Variants in FRAS1 observed in about 807,000 individuals in gnomAD.
FRAS1 encodes Fraser extracellular matrix complex subunit 1, also known as extracellular matrix organizing protein FRAS1.
Under a neutral mutation model 435.2 loss-of-function variants are expected in FRAS1, and 290 were observed. That is an observed-to-expected ratio of 0.67 (90% CI 0.61 to 0.73). The LOEUF (loss-of-function observed/expected upper bound fraction) is 0.73, where lower values mean the gene tolerates loss of function less well. Among genes scored for constraint, FRAS1 ranks in the 30% least tolerant of loss-of-function variants. FRAS1 has a pLI of 0.00. For synonymous variants in FRAS1, 1,800 were observed against 1,851.0 expected, an observed-to-expected ratio of 0.97 and a Z score of 0.71; for missense variants, 4,860 against 5,001.5, an observed-to-expected ratio of 0.97 and a Z score of 0.85.
intron 35 of FRAS1, among the ~76,000 whole-genome samples, chr4:78,424,716 A>T (rs2110378207): frequency 6.6e-6 from 1 of 151,978 alleles, no homozygotes; most frequent in South Asian, 2.1e-4. Context: ...CTGATGGGGG[A>T]GCATCACTTA....
chr4:78,059,524 G>A (rs1739650125), intron 1 of FRAS1, among the ~76,000 whole-genome samples: 1 of 147,290 alleles, frequency 6.8e-6, no homozygotes, highest in Admixed American at 6.8e-5. Context: ...AAAAAAAAAA[G>A]CTTGTAGGGC....
intron 61 of FRAS1, 66 bp downstream of exon 61, chr4:78,499,987 A>G: frequency 7.8e-7 from 1 of 1,284,002 alleles, no homozygotes; most frequent in Non-Finnish European, 1.1e-6. Flanking sequence ...TTGTATTTGA[A>G]GAAAGGAATA....
At chr4:78,412,226 A>G (rs1409098463) in intron 31 of FRAS1, among the ~76,000 whole-genome samples, 1 of 150,136 alleles carries the variant, frequency 6.7e-6, no homozygotes, top group East Asian at 1.9e-4. Flanking sequence ...TCTTTTTCTC[A>G]GAATTGATAG....
chr4:78,240,708 C>T (rs1265968518), intron 3 of FRAS1, among the ~76,000 whole-genome samples: 7 of 152,050 alleles, frequency 4.6e-5, no homozygotes, highest in Non-Finnish European at 2.9e-5. Flanking sequence ...GTATTGCAAA[C>T]ATGTAGAATT....
Position 78,276,202 on chromosome 4 carries a change from G to T in FRAS1, c.982-2453G>T, listed in dbSNP as rs538355645. 6.6e-5 allele frequency among the ~76,000 whole-genome samples: 10 copies of T among 152,138 alleles called. 1 individual carries two copies. In the East Asian group the frequency reaches 1.9e-3, roughly 29 times the overall value. ...AGGACTTCTCTACACTGGTTGTTCT[G>T]GTTAGCCATTTGTCTAATCTTTTTT... On this transcript the variant is annotated intron_variant, in intron 9 of 73. Coordinates refer to ENST00000512123, the MANE Select transcript of FRAS1 (RefSeq NM_025074.7).
At chr4:78,537,840 G>A (rs972959436) in intron 72 of FRAS1, among the ~76,000 whole-genome samples, 2 of 151,970 alleles carry the variant, frequency 1.3e-5, no homozygotes, top group Admixed American at 6.6e-5. Flanking sequence ...CAGCTACTTG[G>A]GAGGCTGAGG....
intron 17 of FRAS1, among the ~76,000 whole-genome samples, chr4:78,318,278 A>G (rs1407866781): frequency 6.6e-6 from 1 of 152,242 alleles, no homozygotes; most frequent in Non-Finnish European, 1.5e-5. Flanking sequence ...GCTTTTCACC[A>G]GTAGCCAGGG....
chr4:78,497,919 C>A (rs1391385709), intron 60 of FRAS1, among the ~76,000 whole-genome samples: 1 of 152,112 alleles, frequency 6.6e-6, no homozygotes, highest in African/African-American at 2.4e-5. Flanking sequence ...GAACCTCTCC[C>A]AGGTACATAG....
intron 60 of FRAS1, among the ~76,000 whole-genome samples, 179 bp from the exon 61 acceptor site, chr4:78,499,542 T>C (rs1484046592): frequency 1.3e-5 from 2 of 152,236 alleles, no homozygotes; most frequent in Non-Finnish European, 2.9e-5. Context: ...AAATAATTTT[T>C]TCCAAAGCAT....
At chr4:78,269,298 G>T (rs1009799736) in intron 9 of FRAS1, among the ~76,000 whole-genome samples, 12 of 152,174 alleles carry the variant, frequency 7.9e-5, no homozygotes, top group African/African-American at 2.9e-4. Context: ...ATGGAAATAT[G>T]AGTTAAATAT....
At chr4:78,381,867 A>G (rs1202989679) in intron 27 of FRAS1, among the ~76,000 whole-genome samples, 1 of 140,670 alleles carries the variant, frequency 7.1e-6, no homozygotes, top group Non-Finnish European at 1.5e-5. Context: ...TCTTTATCCA[A>G]CAAAAGAAAG....
intron 2 of FRAS1, chr4:78,071,159 T>C (rs1422017518): frequency 6.6e-6 from 1 of 152,208 alleles, no homozygotes; most frequent in Non-Finnish European, 1.5e-5. Flanking sequence ...AAATGTGGAA[T>C]GTTGACTATA....
chr4:78,217,775 C>A (rs1723832418), intron 2 of FRAS1, among the ~76,000 whole-genome samples: 1 of 149,988 alleles, frequency 6.7e-6, no homozygotes, highest in Admixed American at 6.6e-5. Flanking sequence ...ACTCATGAAC[C>A]TACAAGATAT....
chr4:78,249,836 T>C (rs1578206508), intron 4 of FRAS1, among the ~76,000 whole-genome samples: 1 of 152,160 alleles, frequency 6.6e-6, no homozygotes, highest in South Asian at 2.1e-4. Flanking sequence ...CTGGTCTCTG[T>C]CTGAAAGGTA....
intron 50 of FRAS1, 55 bp downstream of exon 50, chr4:78,466,490 A>T: frequency 7.6e-7 from 1 of 1,309,150 alleles, no homozygotes; most frequent in Middle Eastern, 1.9e-4. Flanking sequence ...CAGAGGCAGA[A>T]CATGGAGTTT....
chr4:78,160,998 C>T (rs2110023950), intron 2 of FRAS1, among the ~76,000 whole-genome samples: 1 of 152,090 alleles, frequency 6.6e-6, no homozygotes, highest in African/African-American at 2.4e-5. Context: ...ATTAGCCAGA[C>T]ATGGTGGCAG....
chr4:78,393,608 G>C (rs1252712379), intron 29 of FRAS1, among the ~76,000 whole-genome samples: 4 of 151,960 alleles, frequency 2.6e-5, no homozygotes, highest in Non-Finnish European at 5.9e-5. Context: ...CAAATAGCAG[G>C]ATTTCCTTCA....
chr4:78,058,514 C>T (rs1560501589), intron 1 of FRAS1, among the ~76,000 whole-genome samples: 1 of 152,118 alleles, frequency 6.6e-6, no homozygotes, highest in Non-Finnish European at 1.5e-5. Context: ...CTTAAAGCCC[C>T]ATCGCTCTCC....
At chr4:78,373,446 C>A (rs1731593133) in intron 24 of FRAS1, among the ~76,000 whole-genome samples, 1 of 138,912 alleles carries the variant, frequency 7.2e-6, no homozygotes, top group Non-Finnish European at 1.5e-5. Flanking sequence ...GAGCCAAGGA[C>A]TAATAATAAT....
Sources: allele counts gnomAD v4.1 joint callset (sites outside exome capture counted in the v4.1 genomes callset), GRCh38; gene constraint gnomAD v4.1.1; transcripts MANE v1.5; gene names NCBI Gene and HGNC (gene_info 2026-07-23, HGNC 2026-07-21).